Variants in GRIP1 observed in about 807,000 individuals in gnomAD.
The protein encoded by GRIP1 is glutamate receptor-interacting protein 1.
A neutral mutation model predicts 129.9 loss-of-function variants in GRIP1; 45 were observed. That is an observed-to-expected ratio of 0.35 (90% CI 0.27 to 0.44). GRIP1 has a LOEUF of 0.44. GRIP1 is among the 20% of genes least tolerant of loss of function. The pLI is 1.00. For missense variants in GRIP1, 1,196 were observed against 1,396.8 expected, an observed-to-expected ratio of 0.86 and a Z score of 2.29; for synonymous variants, 530 against 520.8, an observed-to-expected ratio of 1.02 and a Z score of -0.24.
chr12:66,490,297 C>T (rs968985644), intron 7 of GRIP1, among the ~76,000 whole-genome samples: 1 of 152,106 alleles, frequency 6.6e-6, no homozygotes, highest in African/African-American at 2.4e-5. Context: ...ACCAATGAAA[C>T]ATAGTAGAGA....
chr12:66,550,614 T>A (rs1464202162), intron 2 of GRIP1, among the ~76,000 whole-genome samples: 1 of 152,208 alleles, frequency 6.6e-6, no homozygotes, highest in Non-Finnish European at 1.5e-5. Context: ...TTAGAAACTC[T>A]GACCTAGAAG....
At chr12:66,868,186 CT>C (rs1409101731) in intron 1 of GRIP1, among the ~76,000 whole-genome samples, 2 of 151,886 alleles carry the variant, frequency 1.3e-5, no homozygotes, top group African/African-American at 2.4e-5. Context: ...TTAAACATAC[CT>C]TATCAGAAGA....
rs369617399 is a variant in GRIP1 at position 66,698,665 on chromosome 12, C to T, written c.-419-68329G>A. ...TGAAGATAATAATAGTCTGGCCCCC[C>T]ACCTCCTTTGTTGGCTCTAGGGTGG... On this transcript the variant is annotated intron_variant, in intron 1 of 4. Transcript: ENST00000538373. Among the ~76,000 whole-genome samples the T allele has an allele frequency of 4.6e-4, 70 of 152,252 alleles. 2 individuals are homozygous for T. The highest frequency in any genetic ancestry group is 1.6e-3 in the African/African-American group (67 of 41,538).
chr12:66,869,201 T>C (rs1185697499), intron 1 of GRIP1, among the ~76,000 whole-genome samples: 1 of 151,994 alleles, frequency 6.6e-6, no homozygotes, highest in East Asian at 1.9e-4. Context: ...CTGTACTTAA[T>C]AGGTACTCAA....
upstream of GRIP1, among the ~76,000 whole-genome samples, chr12:66,679,711 A>G (rs1444466561): frequency 6.6e-6 from 1 of 152,208 alleles, no homozygotes; most frequent in Admixed American, 6.5e-5. Flanking sequence ...AAAGCAACAC[A>G]GTCAAGACTG....
intron 13 of GRIP1, among the ~76,000 whole-genome samples, chr12:66,436,716 C>T (rs2058316691): frequency 6.6e-6 from 1 of 152,088 alleles, no homozygotes; most frequent in Middle Eastern, 3.2e-3. Context: ...GGCGCAGTGG[C>T]TCACACCTGT....
chr12:67,052,224 C>T (rs2043357908), intron 1 of GRIP1, among the ~76,000 whole-genome samples: 1 of 152,140 alleles, frequency 6.6e-6, no homozygotes, highest in Admixed American at 6.6e-5. Context: ...GCATGAGAAA[C>T]TGGCAAATGT....
At chr12:66,576,206 T>C (rs1322806591) in intron 2 of GRIP1, among the ~76,000 whole-genome samples, 6 of 152,224 alleles carry the variant, frequency 3.9e-5, no homozygotes, top group Admixed American at 3.3e-4. Context: ...GATATTTTAG[T>C]ATTTCAGTGG....
intron 1 of GRIP1, among the ~76,000 whole-genome samples, chr12:66,669,681 G>A (rs963818277): frequency 1.1e-4 from 17 of 152,142 alleles, no homozygotes; most frequent in African/African-American, 4.1e-4. Context: ...CTTTGTCGGG[G>A]CATGCCTTGA....
Position 67,060,038 on chromosome 12 carries a change from G to C in GRIP1, c.58+9012C>G, listed in dbSNP as rs142532176. The stretch of plus-strand genomic sequence containing the variant: ...TGGTGCTATGGAACCCCATGCCTGT[G>C]ACAGGAAAAAAAACAGCTCTTCATT... On this transcript the variant is annotated intron_variant, in intron 1 of 1. Coordinates refer to the GRIP1 transcript ENST00000643019. 3.3e-4 allele frequency among the ~76,000 whole-genome samples: 50 copies of C among 152,024 alleles called. 2 individuals carry two copies. The East Asian group carries it at 9.1e-3, about 28-fold the overall frequency.
At chr12:66,827,415 A>C (rs191263748) in intron 1 of GRIP1, among the ~76,000 whole-genome samples, 15 of 150,270 alleles carry the variant, frequency 1.0e-4, no homozygotes, top group Admixed American at 3.3e-4. Flanking sequence ...AGAGAGAGAG[A>C]GCGCACAAGA....
At chr12:66,381,698 G>C (rs1317357473) in intron 19 of GRIP1, among the ~76,000 whole-genome samples, 1 of 152,210 alleles carries the variant, frequency 6.6e-6, no homozygotes, top group East Asian at 1.9e-4. Context: ...ACTTAGGCAA[G>C]AGTGCAAGAA....
At chr12:66,536,065 T>C (rs1158944657) in intron 4 of GRIP1, among the ~76,000 whole-genome samples, 1 of 152,196 alleles carries the variant, frequency 6.6e-6, no homozygotes, top group African/African-American at 2.4e-5. Context: ...ACCTTGGGGT[T>C]AACTTTGACT....
At chr12:66,797,127 A>C (rs1450847669) in intron 1 of GRIP1, among the ~76,000 whole-genome samples, 4 of 152,188 alleles carry the variant, frequency 2.6e-5, no homozygotes, top group Non-Finnish European at 4.4e-5. Flanking sequence ...AAGCAGATTA[A>C]AAATTCTATT....
chr12:66,565,424 AGAT>A (rs1236925703), intron 2 of GRIP1, among the ~76,000 whole-genome samples: 2 of 152,300 alleles, frequency 1.3e-5, no homozygotes, highest in African/African-American at 4.8e-5. Context: ...GTCAAAGATT[AGAT>A]GATTGTAGAT....
At chr12:66,640,106 C>A (rs1053607543) in intron 1 of GRIP1, among the ~76,000 whole-genome samples, 3 of 152,156 alleles carry the variant, frequency 2.0e-5, no homozygotes, top group African/African-American at 7.2e-5. Context: ...ACCTTCCAAC[C>A]AGCTTTAGGT....
intron 1 of GRIP1, among the ~76,000 whole-genome samples, chr12:66,954,288 T>C (rs762296739): frequency 2.6e-5 from 4 of 152,226 alleles, no homozygotes; most frequent in Non-Finnish European, 5.9e-5. Flanking sequence ...AAAAAATTGC[T>C]GCAGAGTTCA....
chr12:66,914,669 C>A (rs1023823889), intron 1 of GRIP1, among the ~76,000 whole-genome samples: 2 of 152,128 alleles, frequency 1.3e-5, no homozygotes, highest in Non-Finnish European at 2.9e-5. Context: ...CTTAGCCTTC[C>A]CTGTTTGGCG....
At chr12:66,541,736 C>T (rs2061786607) in intron 3 of GRIP1, 79 bp downstream of exon 3, 1 of 1,429,400 alleles carries the variant, frequency 7.0e-7, no homozygotes, top group African/African-American at 1.4e-5. Flanking sequence ...TTATTAGTGA[C>T]CACTTTTGAT....
Sources: allele counts gnomAD v4.1 joint callset (sites outside exome capture counted in the v4.1 genomes callset), GRCh38; gene constraint gnomAD v4.1.1; transcripts MANE v1.5; gene names NCBI Gene and HGNC (gene_info 2026-07-23, HGNC 2026-07-21).